The following OTUD4 variants were observed in gnomAD, a reference collection of about 807,000 sequenced individuals.
The protein encoded by OTUD4 is OTU deubiquitinase 4.
Under a neutral mutation model 130.4 loss-of-function variants are expected in OTUD4, and 24 were observed. The observed-to-expected ratio is 0.18, with a 90% CI of 0.13 to 0.26. The LOEUF is 0.26. OTUD4 is among the 10% of genes least tolerant of loss of function. The probability of loss-of-function intolerance (pLI) is 1.00; values close to 1 mark genes in which losing one functional copy is unlikely to be tolerated. For synonymous variants in OTUD4, 420 were observed against 472.5 expected (o/e 0.89, Z 1.44); for missense variants, 1,031 against 1,329.4 (o/e 0.78, Z 3.49).
rs868699565 is a variant in OTUD4, at chr4:145,136,764, C to A, written c.*666G>T. 6.6e-6 allele frequency: 1 copy of A among 152,406 alleles called. No individual in the cohort carries two copies. Among genetic ancestry groups the A allele is most frequent in the Non-Finnish European group, 1.5e-5 (1 of 68,010 alleles). The allele number at this position is 152,406 out of a possible 1,614,324, so 9.4% of individuals were successfully genotyped here. On this transcript the variant is annotated 3_prime_UTR_variant, in exon 21 of 21. Transcript: ENST00000447906. ...ACAAATACCAAAATTCAAAAATATA[C>A]CTTATGAATATTAAAAGAACTATAT...
chr4:145,152,261 C>T (rs868445731), intron 11 of OTUD4, among the ~76,000 whole-genome samples: 4 of 152,010 alleles, frequency 2.6e-5, no homozygotes, highest in Non-Finnish European at 4.4e-5. Flanking sequence ...TACAGGCATG[C>T]GCTGCCATGT....
chr4:145,138,681 AAAG>A, intron 20 of OTUD4, 31 bp from the exon 21 acceptor site: 1 of 1,557,976 alleles, frequency 6.4e-7, no homozygotes, highest in Non-Finnish European at 8.6e-7. Context: ...TAAATAAACA[AAAG>A]AGGAGAAAAA....
At chr4:145,165,079 C>T (rs1029626383) in intron 4 of OTUD4, 72 bp downstream of exon 4, 4 of 834,998 alleles carry the variant, frequency 4.8e-6, no homozygotes, top group African/African-American at 1.7e-5. Context: ...GCTATTTTAA[C>T]ATTTTTAATA....
At chr4:145,152,706 T>A in intron 10 of OTUD4, 71 bp from the exon 11 acceptor site, 1 of 832,702 alleles carries the variant, frequency 1.2e-6, no homozygotes, top group Non-Finnish European at 2.0e-6. Context: ...TACTTATCAG[T>A]TTTTTGCGGT....
rs189995344 is a variant in OTUD4, at chr4:145,159,227, T to C, written c.629+276A>G. ...TAAAATTTTACAATACACACACATA[T>C]AGGTAGGACCAAATTTATTCTACAA... On this transcript the variant is annotated intron_variant, in intron 7 of 20. Transcript: ENST00000447906. 1.6e-4 allele frequency: 191 copies of C among 1,219,670 alleles called. No homozygotes were observed. The African/African-American group carries it at 2.7e-3, about 17-fold the overall frequency. 75.6% of individuals were successfully genotyped at this position (1,219,670 alleles called of 1,614,324 possible). A position where few individuals can be genotyped will look rare whatever the true frequency, so the allele number is the denominator to read the frequency against.
intron 20 of OTUD4, 143 bp from the exon 21 acceptor site, chr4:145,138,793 ACT>A (rs1750412874): frequency 1.5e-6 from 1 of 666,992 alleles, no homozygotes; most frequent in Non-Finnish European, 2.5e-6. Flanking sequence ...ATACTAAATC[ACT>A]GTGATAACCA....
rs36224846 is a variant in OTUD4, at chr4:145,164,004, G to A, written c.414+150C>T. On this transcript the variant is annotated intron_variant, in intron 5 of 20. Coordinates refer to ENST00000447906, the MANE Select transcript of OTUD4 (RefSeq NM_001366057.1). ...ATTACAGGCATGAGCCACCGCACCC[G>A]GCTATAGGAACTTTTAAGAAATCAG... 2,705 of 500,568 alleles carry A rather than the reference G, an allele frequency of 5.4e-3. 59 individuals are homozygous for A. The highest frequency in any genetic ancestry group is 0.05 in the African/African-American group (2,445 of 49,324). The allele number at this position is 500,568 out of a possible 1,614,324, so 31.0% of individuals were successfully genotyped here.
chr4:145,178,717 A>G (rs2126817893), intron 1 of OTUD4: 1 of 152,378 alleles, frequency 6.6e-6, no homozygotes, highest in South Asian at 2.1e-4. Flanking sequence ...TATGGTAAAT[A>G]AATGGCTTGC....
rs1752599399 is a variant in OTUD4, at chr4:145,179,718, C to A, written c.159+97G>T. 8 of 1,425,906 alleles carry A rather than the reference C, an allele frequency of 5.6e-6. No homozygotes were observed. In the African/African-American group the frequency reaches 7.5e-5, roughly 13 times the overall value. 88.3% of individuals were successfully genotyped at this position (1,425,906 alleles called of 1,614,324 possible). On this transcript the variant is annotated intron_variant, in intron 1 of 20. Coordinates refer to ENST00000447906, the MANE Select transcript of OTUD4 (RefSeq NM_001366057.1). ...CAGCCAGGGCACGCGCAGCCCCGGC[C>A]GTGGGCGGCCCGGACAGCCCGCAGC... is the stretch of plus-strand genomic sequence containing the variant.
intron 2 of OTUD4, among the ~76,000 whole-genome samples, chr4:145,174,076 G>A (rs552696792): frequency 1.2e-4 from 18 of 148,478 alleles, no homozygotes; most frequent in African/African-American, 4.5e-4. Flanking sequence ...GGCGCAACTC[G>A]GCTCACTGCA....
chr4:145,134,848 G>A lies in OTUD4; in HGVS notation c.*2582C>T. 1.0e-5 allele frequency: 4 copies of A among 398,844 alleles called. No homozygotes were observed. Among genetic ancestry groups the A allele is most frequent in the Non-Finnish European group, 1.8e-5 (4 of 226,012 alleles). The allele number at this position is 398,844 out of a possible 1,614,324, so 24.7% of individuals were successfully genotyped here. ...TAACACAAAAAACAGGTGAGCTTTGGTCAGTCTGTTCTTCAAAATATGTAT... is the reference window on the plus strand; with the variant it reads ...TAACACAAAAAACAGGTGAGCTTTGATCAGTCTGTTCTTCAAAATATGTAT... On this transcript the variant is annotated 3_prime_UTR_variant, in exon 21 of 21. Coordinates refer to ENST00000447906, the MANE Select transcript of OTUD4 (RefSeq NM_001366057.1).
rs1300465854 is a variant in OTUD4, at chr4:145,137,687, CTTCATT to C, written c.3082_3087del (p.Asn1028_Glu1029del). 3 of 1,613,822 alleles carry C rather than the reference CTTCATT, an allele frequency of 1.9e-6. No homozygotes were observed. In the Admixed American group the frequency reaches 5.0e-5, roughly 27 times the overall value. The stretch of plus-strand genomic sequence containing the variant: ...CTACCACTTCTCAAAATATTAGACA[CTTCATT>C]TTCATCTTCTGAACTCTCTTCTTTT... On this transcript the variant is annotated inframe_deletion, in exon 21 of 21. Transcript: ENST00000447906.
chr4:145,151,773 A>G (rs549952715), intron 11 of OTUD4, among the ~76,000 whole-genome samples: 1 of 152,362 alleles, frequency 6.6e-6, no homozygotes, highest in South Asian at 2.1e-4. Flanking sequence ...TTTCCACAGT[A>G]AAGTTTAAGG....
rs150098408 is a variant in OTUD4, at chr4:145,146,399, A to G, written c.1290T>C (p.Phe430=). Residue 430 remains phenylalanine, a synonymous_variant, in exon 14 of 21, where the codon TTT becomes TTC. Coordinates refer to ENST00000447906, the MANE Select transcript of OTUD4 (RefSeq NM_001366057.1). ...AGTTAGATTCTCGACTTGTGTGATC[A>G]AAATCCTCAACTCTTTCACGATCAG... ...RKPDRERVED[F]DHTSRESNYF... is the part of the protein sequence containing the mutation. The G allele has an allele frequency of 2.5e-6, 4 of 1,574,582 alleles. No individual in the cohort carries two copies. Among genetic ancestry groups the G allele is most frequent in the African/African-American group, 1.4e-5 (1 of 72,922 alleles).
At chr4:145,141,135 C>T (rs1044040929) in intron 19 of OTUD4, among the ~76,000 whole-genome samples, 5 of 148,518 alleles carry the variant, frequency 3.4e-5, no homozygotes, top group Non-Finnish European at 7.4e-5. Flanking sequence ...CACCACTGCA[C>T]TCCAGCCCGG....
At chr4:145,143,907 G>C (rs766008002) in intron 16 of OTUD4, 39 bp downstream of exon 16, 1 of 1,507,046 alleles carries the variant, frequency 6.6e-7, no homozygotes, top group South Asian at 1.1e-5. Context: ...ACAGTATTAA[G>C]GAAAAAGAAA....
intron 1 of OTUD4, 42 bp from the exon 2 acceptor site, chr4:145,174,786 T>C: frequency 1.8e-6 from 2 of 1,125,036 alleles, no homozygotes; most frequent in Non-Finnish European, 1.4e-6. Flanking sequence ...AGCATTTAGT[T>C]AAAAGTTACA....
chr4:145,179,598 C>A, intron 1 of OTUD4: 8 of 1,380,298 alleles, frequency 5.8e-6, no homozygotes, highest in Non-Finnish European at 7.4e-6. Context: ...AGGAGAGAGA[C>A]ACCCCGTTAA....
In OTUD4 at chr4:145,137,339, A is replaced by G. The variant is rs966591875; in HGVS notation, c.*91T>C. ...GGGCTGGGGAGAGGAAAGAGTTCCAACTGCGGTTTTTACTTTATTGTATTT... is the reference window on the plus strand; with the variant it reads ...GGGCTGGGGAGAGGAAAGAGTTCCAGCTGCGGTTTTTACTTTATTGTATTT... On this transcript the variant is annotated 3_prime_UTR_variant, in exon 21 of 21. Coordinates refer to ENST00000447906, the MANE Select transcript of OTUD4 (RefSeq NM_001366057.1). The G allele has an allele frequency of 2.2e-5, 24 of 1,082,276 alleles. No individual in the cohort carries two copies. Among genetic ancestry groups the G allele is most frequent in the Non-Finnish European group, 3.1e-5 (23 of 741,044 alleles). 67.0% of individuals were successfully genotyped at this position (1,082,276 alleles called of 1,614,324 possible).
Sources: gnomAD v4.1 joint callset for allele counts (sites outside exome capture counted in the v4.1 genomes callset) on GRCh38, gnomAD v4.1.1 for gene constraint, MANE v1.5 for transcripts, NCBI Gene and HGNC (gene_info 2026-07-23, HGNC 2026-07-21) for gene names.